Variants in USP40 observed in about 807,000 individuals in gnomAD.
USP40 encodes the protein ubiquitin specific peptidase 40, also known as ubiquitin carboxyl-terminal hydrolase 40.
Under a neutral mutation model 166.2 loss-of-function variants are expected in USP40, and 143 were observed. The observed-to-expected ratio is 0.86, with a 90% CI of 0.75 to 0.99. The LOEUF (loss-of-function observed/expected upper bound fraction) is 0.99, where lower values mean the gene tolerates loss of function less well. Among genes scored for constraint, USP40 ranks in the 50% least tolerant of loss-of-function variants. The pLI, the probability that USP40 is intolerant of heterozygous loss-of-function variation, is 0.00. For missense variants in USP40, 1,444 were observed against 1,479.7 expected, an observed-to-expected ratio of 0.98 and a Z score of 0.40; for synonymous variants, 498 against 524.0, an observed-to-expected ratio of 0.95 and a Z score of 0.68.
intron 4 of USP40, among the ~76,000 whole-genome samples, chr2:233,558,927 A>T (rs1238500675): frequency 6.6e-6 from 1 of 152,174 alleles, no homozygotes; most frequent in Admixed American, 6.5e-5. Context: ...TTAATCACAT[A>T]GTTAGTATCA....
chr2:233,490,734 C>T (rs565559202), intron 26 of USP40, among the ~76,000 whole-genome samples: 1 of 152,296 alleles, frequency 6.6e-6, no homozygotes, highest in Admixed American at 6.5e-5. Flanking sequence ...TCTAGTTTAG[C>T]ATCCTAACAT....
intron 11 of USP40, among the ~76,000 whole-genome samples, chr2:233,530,205 G>GACATACAC (rs2068402043): frequency 6.7e-6 from 1 of 149,266 alleles, no homozygotes; most frequent in Non-Finnish European, 1.5e-5. Flanking sequence ...TCACTCCCAA[G>GACATACAC]ACACACACAC....
intron 18 of USP40, among the ~76,000 whole-genome samples, chr2:233,513,083 T>C (rs1008544969): frequency 1.3e-5 from 2 of 152,208 alleles, no homozygotes; most frequent in Non-Finnish European, 2.9e-5. Context: ...ATGTTTTCTG[T>C]CTTTGTAAAT....
chr2:233,561,400 C>T (rs1334310542), intron 3 of USP40, among the ~76,000 whole-genome samples: 1 of 150,850 alleles, frequency 6.6e-6, no homozygotes, highest in Non-Finnish European at 1.5e-5. Flanking sequence ...ACAGAGCCCT[C>T]ACAAATAATG....
chr2:233,537,130 T>G (rs1041528781), intron 10 of USP40, among the ~76,000 whole-genome samples: 1 of 152,176 alleles, frequency 6.6e-6, no homozygotes, highest in Non-Finnish European at 1.5e-5. Flanking sequence ...GCAATCCTCT[T>G]GCCTAGACCT....
intron 26 of USP40, among the ~76,000 whole-genome samples, chr2:233,490,164 T>C (rs1178129969): frequency 7.8e-6 from 1 of 128,076 alleles, no homozygotes; most frequent in Non-Finnish European, 1.6e-5. Context: ...TTTCTCCTTT[T>C]TTTTTTTTTT....
At chr2:233,496,599 A>C (rs905088028) in intron 24 of USP40, among the ~76,000 whole-genome samples, 159 bp downstream of exon 24, 1 of 152,238 alleles carries the variant, frequency 6.6e-6, no homozygotes, top group African/African-American at 2.4e-5. Context: ...AATATTTACA[A>C]GTTAGGAAAC....
rs557855049 is a variant in USP40 at position 233,480,605 on chromosome 2, C to T, written c.3599+598G>A. On this transcript the variant is annotated intron_variant, in intron 31 of 31. Coordinates refer to ENST00000678225, the MANE Select transcript of USP40 (RefSeq NM_001365479.2). The surrounding 1 kb of genome is among the most constrained non-coding windows in gnomAD (Gnocchi z 4.5). ...CAGTGGCAGTAAGTGCAGAGCCAGA[C>T]AACGGCAGGCGGCGCCAGAGCTGGG... Among the ~76,000 whole-genome samples the T allele has an allele frequency of 6.6e-6, 1 of 152,352 alleles. No homozygotes were observed. Among genetic ancestry groups the T allele is most frequent in the African/African-American group, 2.4e-5 (1 of 41,570 alleles).
At chr2:233,504,577 T>G (rs1009545110) in intron 21 of USP40, among the ~76,000 whole-genome samples, 2 of 152,050 alleles carry the variant, frequency 1.3e-5, no homozygotes, top group Admixed American at 6.5e-5. Context: ...AGAAGGTCAT[T>G]ATATAATAAC....
intron 21 of USP40, 59 bp downstream of exon 21, chr2:233,509,990 C>G: frequency 7.4e-7 from 1 of 1,345,534 alleles, no homozygotes; most frequent in East Asian, 2.5e-5. Flanking sequence ...TACCACTGTT[C>G]CTCACAGCAA....
intron 7 of USP40, 63 bp from the exon 8 acceptor site, chr2:233,549,292 G>A: frequency 1.2e-5 from 12 of 1,040,216 alleles, no homozygotes; most frequent in East Asian, 5.9e-5. Flanking sequence ...ATAATCAAAA[G>A]AAAAAATAAT....
intron 8 of USP40, among the ~76,000 whole-genome samples, chr2:233,547,315 C>T (rs539123113): frequency 6.6e-6 from 1 of 152,250 alleles, no homozygotes; most frequent in South Asian, 2.1e-4. Context: ...AAACATGTTC[C>T]TGGTAGAACA....
At chr2:233,502,383 A>AT (rs2066132481) in intron 21 of USP40, among the ~76,000 whole-genome samples, 1 of 152,290 alleles carries the variant, frequency 6.6e-6, no homozygotes, top group Admixed American at 6.5e-5. Flanking sequence ...TTTAAAAAAA[A>AT]TTTTTGGAAT....
intron 24 of USP40, among the ~76,000 whole-genome samples, chr2:233,494,956 T>TTATTTATA (rs2065627697): frequency 1.4e-4 from 5 of 35,504 alleles, no homozygotes; most frequent in Admixed American, 4.2e-4. Flanking sequence ...ATATATATAT[T>TTATTTATA]TATATATATA....
intron 25 of USP40, chr2:233,492,876 G>A (rs2125075062): frequency 6.5e-6 from 1 of 152,990 alleles, no homozygotes; most frequent in South Asian, 2.1e-4. Flanking sequence ...CTCACTGATA[G>A]TGACTTCTGC....
intron 2 of USP40, among the ~76,000 whole-genome samples, chr2:233,563,143 T>C (rs935057003): frequency 1.3e-5 from 2 of 152,212 alleles, no homozygotes; most frequent in Non-Finnish European, 2.9e-5. Context: ...GGAAATACAG[T>C]AGTGTTGCAG....
chr2:233,530,612 AC>A (rs1288148602), intron 11 of USP40, among the ~76,000 whole-genome samples: 1 of 152,158 alleles, frequency 6.6e-6, no homozygotes, highest in Non-Finnish European at 1.5e-5. Flanking sequence ...ACCTGTTGAA[AC>A]CCAAGAGTCA....
Position 233,480,669 on chromosome 2 carries a change from A to G in USP40, c.3599+534T>C, listed in dbSNP as rs892212204. Among the ~76,000 whole-genome samples the G allele has an allele frequency of 6.6e-6, 1 of 152,236 alleles. No individual in the cohort carries two copies. The highest frequency in any genetic ancestry group is 2.4e-5 in the African/African-American group (1 of 41,472). ...GCAAGGAGTCCTGAGCAGAGGTAGA[A>G]GATGGCCTGTGGCAGCGGAGTCCTG... On this transcript the variant is annotated intron_variant, in intron 31 of 31. Coordinates refer to ENST00000678225, the MANE Select transcript of USP40 (RefSeq NM_001365479.2). This position sits in a 1 kb window ranked among gnomAD's most constrained non-coding sequence, Gnocchi z 4.5.
intron 10 of USP40, among the ~76,000 whole-genome samples, chr2:233,534,406 T>C (rs2068788869): frequency 6.6e-6 from 1 of 152,196 alleles, no homozygotes; most frequent in African/African-American, 2.4e-5. Context: ...CCCTATCCTC[T>C]CACTCTTTAA....
Sources: gnomAD v4.1 joint callset for allele counts (sites outside exome capture counted in the v4.1 genomes callset) on GRCh38, gnomAD v4.1.1 for gene constraint, Gnocchi (gnomAD v3.1) non-coding constraint, MANE v1.5 for transcripts, NCBI Gene and HGNC (gene_info 2026-07-23, HGNC 2026-07-21) for gene names.